Variants in TLL1 observed in about 807,000 individuals in gnomAD.
TLL1 encodes tolloid like 1.
Under a neutral mutation model 128.2 loss-of-function variants are expected in TLL1, and 49 were observed. The ratio of observed to expected loss-of-function variants is 0.38; its 90% CI spans 0.30 to 0.48. The LOEUF (loss-of-function observed/expected upper bound fraction) is 0.48. TLL1 is among the 20% of genes least tolerant of loss of function. The pLI, the probability that TLL1 is intolerant of heterozygous loss-of-function variation, is 0.96. For synonymous variants in TLL1, 454 were observed against 418.8 expected, an observed-to-expected ratio of 1.08 and a Z score of -1.03; for missense variants, 1,123 against 1,242.0, an observed-to-expected ratio of 0.90 and a Z score of 1.44.
At chr4:165,984,772 C>T (rs1273911134) in intron 1 of TLL1, among the ~76,000 whole-genome samples, 1 of 151,840 alleles carries the variant, frequency 6.6e-6, no homozygotes, top group Non-Finnish European at 1.5e-5. Context: ...GGACACAATT[C>T]CTATAATTAC....
rs144232286 is a variant in TLL1, at chr4:165,912,477, G to A, written c.169+38404G>A. 5.3e-5 allele frequency among the ~76,000 whole-genome samples: 8 copies of A among 152,326 alleles called. No homozygotes were observed. The East Asian group carries it at 9.6e-4, about 18-fold the overall frequency. ...GTGAACAGCTCTCAAACCTGCCAGA[G>A]TATTAGAAGCACCTGGAGAAATTTC... is the stretch of plus-strand genomic sequence containing the variant. On this transcript the variant is annotated intron_variant, in intron 1 of 20. Transcript: ENST00000061240.
chr4:165,904,495 A>G (rs1732156627), intron 1 of TLL1, among the ~76,000 whole-genome samples: 1 of 152,216 alleles, frequency 6.6e-6, no homozygotes, highest in Non-Finnish European at 1.5e-5. Context: ...CCTTATAAGC[A>G]GGCAGGGAAG....
intron 1 of TLL1, among the ~76,000 whole-genome samples, chr4:165,913,845 C>G (rs752782951): frequency 1.1e-4 from 16 of 152,026 alleles, no homozygotes; most frequent in African/African-American, 4.8e-5. Context: ...GCAACCCTAT[C>G]TCTACAAAAA....
chr4:165,992,045 T>C (rs1390351605), intron 2 of TLL1, among the ~76,000 whole-genome samples: 3 of 152,058 alleles, frequency 2.0e-5, no homozygotes, highest in African/African-American at 7.2e-5. Context: ...TTCTGACTTA[T>C]GACAGGAATC....
chr4:166,036,197 C>T (rs1022475515), intron 9 of TLL1, among the ~76,000 whole-genome samples: 1 of 152,108 alleles, frequency 6.6e-6, no homozygotes, highest in Non-Finnish European at 1.5e-5. Context: ...TCTGGAGACT[C>T]ACAGACACCC....
intron 1 of TLL1, among the ~76,000 whole-genome samples, chr4:165,934,982 A>G (rs886274916): frequency 3.9e-5 from 6 of 152,202 alleles, no homozygotes. Context: ...TTATTTTGTT[A>G]CAGCGAATAC....
At position 165,929,757 on chromosome 4, in the gene TLL1, T is replaced by G. The variant is rs141569060; in HGVS notation, c.169+55684T>G. Among the ~76,000 whole-genome samples, 1,039 of 152,328 alleles carry G rather than the reference T, an allele frequency of 6.8e-3. 4 individuals are homozygous for G. The highest frequency in any genetic ancestry group is 0.012 in the Non-Finnish European group (786 of 68,022). The stretch of plus-strand genomic sequence containing the variant: ...TAGCAGATAACTTTTTGTGACACAT[T>G]ATTCCTTGATGTCTGAGATTCTTTC... On this transcript the variant is annotated intron_variant, in intron 1 of 20. Transcript: ENST00000061240.
chr4:165,930,133 G>A (rs1733449772), intron 1 of TLL1, among the ~76,000 whole-genome samples: 2 of 152,102 alleles, frequency 1.3e-5, no homozygotes, highest in African/African-American at 4.8e-5. Context: ...AATCTGGATT[G>A]AGCTAAGGGG....
chr4:166,047,379 T>A (rs1217073918), intron 12 of TLL1, among the ~76,000 whole-genome samples: 1 of 151,638 alleles, frequency 6.6e-6, no homozygotes, highest in Non-Finnish European at 1.5e-5. Context: ...TTAGCCAGGA[T>A]GGTCTCGATC....
At chr4:166,081,515 CG>C (rs1741281281) in intron 18 of TLL1, among the ~76,000 whole-genome samples, 1 of 152,140 alleles carries the variant, frequency 6.6e-6, no homozygotes, top group African/African-American at 2.4e-5. Context: ...AAGCTCCCCT[CG>C]TATCTGCAGT....
At chr4:165,911,155 T>C (rs1732510153) in intron 1 of TLL1, among the ~76,000 whole-genome samples, 1 of 152,192 alleles carries the variant, frequency 6.6e-6, no homozygotes, top group Non-Finnish European at 1.5e-5. Flanking sequence ...AACTGTGTTT[T>C]GTTGCCCATT....
intron 1 of TLL1, among the ~76,000 whole-genome samples, chr4:165,963,496 A>G (rs1433624507): frequency 6.6e-6 from 1 of 151,998 alleles, no homozygotes; most frequent in Non-Finnish European, 1.5e-5. Context: ...TTCTCTCTTT[A>G]TCAGGTAAGT....
At chr4:166,049,038 G>T (rs531362161) in intron 12 of TLL1, among the ~76,000 whole-genome samples, 1 of 152,092 alleles carries the variant, frequency 6.6e-6, no homozygotes, top group East Asian at 1.9e-4. Context: ...CTAAAAAGCC[G>T]AGATAAGGAG....
chr4:166,005,833 T>A (rs1737400425), intron 6 of TLL1, among the ~76,000 whole-genome samples: 1 of 151,836 alleles, frequency 6.6e-6, no homozygotes, highest in African/African-American at 2.4e-5. Flanking sequence ...TCAATATAAA[T>A]ATGTACCTGA....
chr4:165,930,414 A>T (rs1432434218), intron 1 of TLL1, among the ~76,000 whole-genome samples: 1 of 152,156 alleles, frequency 6.6e-6, no homozygotes, highest in African/African-American at 2.4e-5. Context: ...GATAACTTAT[A>T]TTCTTTTATT....
chr4:166,036,204 A>G (rs1239115238), intron 9 of TLL1, among the ~76,000 whole-genome samples: 3 of 152,140 alleles, frequency 2.0e-5, no homozygotes, highest in African/African-American at 7.2e-5. Context: ...ACTCACAGAC[A>G]CCCAGTCCCT....
At chr4:165,965,629 AGAG>A (rs1173237857) in intron 1 of TLL1, among the ~76,000 whole-genome samples, 2 of 152,224 alleles carry the variant, frequency 1.3e-5, no homozygotes, top group African/African-American at 2.4e-5. Flanking sequence ...CTACATGATC[AGAG>A]GAGGAGATGG....
At chr4:166,052,907 T>TATA (rs547319016) in intron 12 of TLL1, among the ~76,000 whole-genome samples, 1 of 141,214 alleles carries the variant, frequency 7.1e-6, no homozygotes, top group African/African-American at 2.7e-5. Flanking sequence ...GTTCTCATAT[T>TATA]TATAGAGAAC....
At chr4:165,937,776 C>G (rs932977310) in intron 1 of TLL1, among the ~76,000 whole-genome samples, 2 of 151,456 alleles carry the variant, frequency 1.3e-5, no homozygotes, top group Non-Finnish European at 2.9e-5. Context: ...GGGTGTTTTA[C>G]TTGGTATAAA....
Sources: gnomAD v4.1 joint callset for allele counts (sites outside exome capture counted in the v4.1 genomes callset) on GRCh38, gnomAD v4.1.1 for gene constraint, MANE v1.5 for transcripts, NCBI Gene and HGNC (gene_info 2026-07-23, HGNC 2026-07-21) for gene names.